The following SPATA6 variants were observed in gnomAD, a reference collection of about 807,000 sequenced individuals.
The protein encoded by SPATA6 is spermatogenesis associated 6.
A neutral mutation model predicts 65.3 loss-of-function variants in SPATA6; 56 were observed. The ratio of observed to expected loss-of-function variants is 0.86; its 90% CI spans 0.69 to 1.07. The LOEUF (loss-of-function observed/expected upper bound fraction) is 1.07. Among genes scored for constraint, SPATA6 ranks in the 50% least tolerant of loss-of-function variants. The pLI is 0.00. For synonymous variants in SPATA6, 199 were observed against 213.2 expected (o/e 0.93, Z 0.58); for missense variants, 590 against 594.8 (o/e 0.99, Z 0.08).
At chr1:48,281,202 C>A in the SPATA6 span, among the ~76,000 whole-genome samples, 3 of 151,842 alleles carry the variant, frequency 2.0e-5, no homozygotes, top group Admixed American at 6.6e-5. Flanking sequence ...TAAGAGCTAT[C>A]TATGACAAAC....
At chr1:48,436,691 T>C in intron 3 of SPATA6, 1 of 1,614,186 alleles carries the variant, frequency 6.2e-7, no homozygotes, top group African/African-American at 1.3e-5. Context: ...AGACAGGATT[T>C]ACATGGGTAT....
At chr1:48,434,221 G>A (rs1240424093) in intron 3 of SPATA6, among the ~76,000 whole-genome samples, 3 of 145,120 alleles carry the variant, frequency 2.1e-5, no homozygotes, top group African/African-American at 7.7e-5. Context: ...ACGCATAGTA[G>A]GTGCCAGGCA....
chr1:48,364,021 A>G (rs894494384), intron 9 of SPATA6, among the ~76,000 whole-genome samples: 6 of 151,454 alleles, frequency 4.0e-5, no homozygotes, highest in Non-Finnish European at 7.4e-5. Flanking sequence ...CTCCTTGTTC[A>G]ATTCCCACCT....
intron 9 of SPATA6, among the ~76,000 whole-genome samples, chr1:48,371,372 A>C (rs1266417986): frequency 6.6e-6 from 1 of 152,224 alleles, no homozygotes; most frequent in East Asian, 1.9e-4. Flanking sequence ...ATAGCTAACA[A>C]AACCTTACTG....
At chr1:48,424,579 G>A (rs1222588253) in intron 3 of SPATA6, among the ~76,000 whole-genome samples, 1 of 152,126 alleles carries the variant, frequency 6.6e-6, no homozygotes, top group Non-Finnish European at 1.5e-5. Flanking sequence ...TCTCCACAGT[G>A]GTTGTACTAA....
At chr1:48,431,673 A>C (rs535118167) in intron 3 of SPATA6, among the ~76,000 whole-genome samples, 1 of 152,334 alleles carries the variant, frequency 6.6e-6, no homozygotes, top group Admixed American at 6.5e-5. Context: ...ACTCTTAAAT[A>C]ATCAATGGAT....
chr1:48,469,961 T>C lies in SPATA6; in HGVS notation c.51+1997A>G, dbSNP rs79197320. Among the ~76,000 whole-genome samples the C allele has an allele frequency of 3.1e-4, 47 of 152,300 alleles. 1 individual carries two copies. The East Asian group carries it at 8.9e-3, about 29-fold the overall frequency. On this transcript the variant is annotated intron_variant, in intron 1 of 12. Coordinates refer to ENST00000371847, the MANE Select transcript of SPATA6 (RefSeq NM_019073.4). ...AGATAAATAATAGCCATGCTGAGCATCGATTTTCTTGGCTGTAAAAAGGGA... is the reference window on the plus strand; with the variant it reads ...AGATAAATAATAGCCATGCTGAGCACCGATTTTCTTGGCTGTAAAAAGGGA...
At chr1:48,284,079 G>GTT in the SPATA6 span, among the ~76,000 whole-genome samples, 2 of 151,702 alleles carry the variant, frequency 1.3e-5, no homozygotes, top group Non-Finnish European at 2.9e-5. Context: ...TCAAATGTAG[G>GTT]TTTGGTCTTT....
chr1:48,411,859 T>C (rs1652268810), intron 4 of SPATA6, among the ~76,000 whole-genome samples: 1 of 152,080 alleles, frequency 6.6e-6, no homozygotes, highest in African/African-American at 2.4e-5. Flanking sequence ...TGTTTGTTTT[T>C]GAGACAGACT....
At position 48,438,406 on chromosome 1, in the gene SPATA6, G is replaced by A. The variant is rs535827302; in HGVS notation, c.238+13146C>T. Among the ~76,000 whole-genome samples the A allele has an allele frequency of 5.9e-4, 90 of 152,218 alleles. 1 individual carries two copies. The South Asian group carries it at 0.011, about 19-fold the overall frequency. ...GTTAAAAGCGACTAGCGCAGCCGCCGGACTAAAGACCCAGTTGTCAGGCTT... is the reference window on the plus strand; with the variant it reads ...GTTAAAAGCGACTAGCGCAGCCGCCAGACTAAAGACCCAGTTGTCAGGCTT... On this transcript the variant is annotated intron_variant, in intron 3 of 12. Transcript: ENST00000371847.
intron 8 of SPATA6, among the ~76,000 whole-genome samples, chr1:48,391,644 T>C (rs999573837): frequency 2.0e-5 from 3 of 152,132 alleles, no homozygotes; most frequent in Non-Finnish European, 4.4e-5. Flanking sequence ...TCACAAACTA[T>C]ATTTCAAATG....
Position 48,366,154 on chromosome 1 carries a change from A to C in SPATA6, c.910-6384T>G, listed in dbSNP as rs1376928923. Among the ~76,000 whole-genome samples, 3 of 152,164 alleles carry C rather than the reference A, an allele frequency of 2.0e-5. No individual in the cohort carries two copies. The East Asian group carries it at 5.8e-4, about 29-fold the overall frequency. The stretch of plus-strand genomic sequence containing the variant: ...TCCCAGGGATGAAGCCCACTTGATC[A>C]TGGTGGATAAGCTTTTTGATGTGCT... On this transcript the variant is annotated intron_variant, in intron 9 of 12. Transcript: ENST00000371847.
intron 9 of SPATA6, among the ~76,000 whole-genome samples, chr1:48,366,122 C>A (rs545222892): frequency 1.4e-4 from 22 of 152,278 alleles, no homozygotes; most frequent in African/African-American, 5.1e-4. Context: ...GTTGAACCAG[C>A]CTTGCATCCC....
chr1:48,305,464 C>G (rs897908956), intron 12 of SPATA6, among the ~76,000 whole-genome samples: 1 of 151,932 alleles, frequency 6.6e-6, no homozygotes, highest in Admixed American at 6.6e-5. Context: ...AGAATTTGAT[C>G]TCAAATTATT....
At chr1:48,420,244 G>A (rs1653198388) in intron 3 of SPATA6, among the ~76,000 whole-genome samples, 1 of 152,106 alleles carries the variant, frequency 6.6e-6, no homozygotes, top group Admixed American at 6.5e-5. Context: ...GAAGCTCCGT[G>A]CCCCTTCTAC....
chr1:48,262,021 A>G, the SPATA6 span, among the ~76,000 whole-genome samples: 3 of 152,256 alleles, frequency 2.0e-5, no homozygotes, highest in Middle Eastern at 3.4e-3. Flanking sequence ...TACATTACAT[A>G]CAAGATGTTG....
intron 3 of SPATA6, among the ~76,000 whole-genome samples, chr1:48,426,687 G>C (rs1653869457): frequency 6.6e-6 from 1 of 151,644 alleles, no homozygotes; most frequent in South Asian, 2.1e-4. Context: ...CAAAGAAAAG[G>C]ATCAAGGTCA....
intron 3 of SPATA6, among the ~76,000 whole-genome samples, chr1:48,420,834 A>T (rs1653256343): frequency 6.6e-6 from 1 of 152,230 alleles, no homozygotes; most frequent in African/African-American, 2.4e-5. Flanking sequence ...AGAAAGTTTC[A>T]CAGCAGAATA....
At chr1:48,317,566 T>C (rs1397556327) in intron 11 of SPATA6, among the ~76,000 whole-genome samples, 3 of 152,054 alleles carry the variant, frequency 2.0e-5, no homozygotes, top group Non-Finnish European at 2.9e-5. Flanking sequence ...TTAGGAGATA[T>C]ACCTAATGTT....
Sources: allele counts gnomAD v4.1 joint callset (sites outside exome capture counted in the v4.1 genomes callset), GRCh38; gene constraint gnomAD v4.1.1; transcripts MANE v1.5; gene names NCBI Gene and HGNC (gene_info 2026-07-23, HGNC 2026-07-21).